LSG1: variants seen among roughly 807,000 people sequenced by gnomAD.
The protein encoded by LSG1 is large subunit GTPase 1 homolog.
LSG1 carries 55 observed loss-of-function variants against 82.6 expected under a neutral mutation model. The observed-to-expected ratio is 0.67, with a 90% CI of 0.54 to 0.83. The LOEUF (loss-of-function observed/expected upper bound fraction) is 0.83. Among genes scored for constraint, LSG1 ranks in the 40% least tolerant of loss-of-function variants. LSG1 has a pLI of 0.00. For synonymous variants in LSG1, 272 were observed against 282.5 expected (o/e 0.96, Z 0.37); for missense variants, 809 against 807.9 (o/e 1.00, Z -0.02).
intron 10 of LSG1, 91 bp from the exon 11 acceptor site, chr3:194,648,895 G>T: frequency 2.3e-6 from 3 of 1,295,736 alleles, no homozygotes; most frequent in Non-Finnish European, 1.1e-6. Flanking sequence ...ACTTCATTCC[G>T]CGTGTGACAA....
At chr3:194,650,625 G>A in intron 10 of LSG1, 1 of 357,046 alleles carries the variant, frequency 2.8e-6, no homozygotes, top group Non-Finnish European at 5.1e-6. Flanking sequence ...ACGGTTACAT[G>A]GCATTGTTAA....
chr3:194,660,168 G>A (rs1449909021), intron 5 of LSG1, 35 bp from the exon 6 acceptor site: 6 of 1,559,870 alleles, frequency 3.8e-6, no homozygotes, highest in Non-Finnish European at 5.3e-6. Context: ...CAATCACCGT[G>A]AAGTGAAAGG....
intron 11 of LSG1, among the ~76,000 whole-genome samples, chr3:194,646,651 C>T (rs1160311758): frequency 6.6e-6 from 1 of 152,114 alleles, no homozygotes; most frequent in Non-Finnish European, 1.5e-5. Context: ...CTCCCAAGTA[C>T]CTGGGATTAC....
At chr3:194,664,638 G>A (rs1675945) in intron 5 of LSG1, among the ~76,000 whole-genome samples, 98,022 of 151,932 alleles carry the variant, frequency 0.65, 32,375 homozygotes, top group East Asian at 0.87. Context: ...AAACCAGGCC[G>A]GGCATGGTGG....
chr3:194,658,837 GA>G lies in LSG1; in HGVS notation c.759+119del, dbSNP rs1381961964. On this transcript the variant is annotated intron_variant, in intron 7 of 13. Coordinates refer to ENST00000265245, the MANE Select transcript of LSG1 (RefSeq NM_018385.3). The stretch of plus-strand genomic sequence containing the variant: ...ATAGGTCATCCTAATCCAGCACACA[GA>G]GGAAAAACTCTAATTCCCACAGATT... 611 of 1,012,672 alleles carry G rather than the reference GA, an allele frequency of 6.0e-4. 3 individuals carry two copies. The highest frequency in any genetic ancestry group is 3.0e-3 in the South Asian group (187 of 62,030). 62.7% of individuals were successfully genotyped at this position (1,012,672 alleles called of 1,614,324 possible).
chr3:194,649,592 A>C (rs1718630026), intron 10 of LSG1, among the ~76,000 whole-genome samples: 1 of 151,614 alleles, frequency 6.6e-6, no homozygotes, highest in Non-Finnish European at 1.5e-5. Context: ...CGGGAGGCTG[A>C]GGCAGGAGAA....
Position 194,645,571 on chromosome 3 carries a change from G to GACACACAC in LSG1, c.1623+592_1623+593insGTGTGTGT, listed in dbSNP as rs1560219817. Among the ~76,000 whole-genome samples, 2 of 41,322 alleles carry GACACACAC rather than the reference G, an allele frequency of 4.8e-5. 1 individual carries two copies. The highest frequency in any genetic ancestry group is 3.9e-4 in the African/African-American group (2 of 5,148). 27.1% of individuals were successfully genotyped at this position (41,322 alleles called of 152,430 possible). A position where few individuals can be genotyped will look rare whatever the true frequency, so the allele number is the denominator to read the frequency against. ...ACACACACACACACACACACACACA[G>GACACACAC]ACAGACACACACACACACACACACA... is the stretch of plus-strand genomic sequence containing the variant. On this transcript the variant is annotated intron_variant, in intron 12 of 13. Transcript: ENST00000265245.
intron 7 of LSG1, among the ~76,000 whole-genome samples, chr3:194,657,005 G>T (rs1718803886): frequency 6.6e-6 from 1 of 151,924 alleles, no homozygotes. Context: ...TTGTGGGGTC[G>T]GGGGAGAGGG....
At chr3:194,647,601 T>C (rs1718579896) in intron 11 of LSG1, among the ~76,000 whole-genome samples, 1 of 152,258 alleles carries the variant, frequency 6.6e-6, no homozygotes, top group Admixed American at 6.5e-5. Context: ...TTCCTTACTC[T>C]GATTTTATCA....
At chr3:194,657,052 G>C (rs2108618843) in intron 7 of LSG1, among the ~76,000 whole-genome samples, 1 of 152,040 alleles carries the variant, frequency 6.6e-6, no homozygotes, top group East Asian at 1.9e-4. Flanking sequence ...AATGCTAAAT[G>C]ACAAGTTAAT....
chr3:194,665,041 C>T (rs1369968731), intron 5 of LSG1, among the ~76,000 whole-genome samples: 2 of 152,248 alleles, frequency 1.3e-5, no homozygotes, highest in African/African-American at 4.8e-5. Context: ...CTATCTGCAG[C>T]AAAGCAGGAA....
rs766859057 is a variant in LSG1 at position 194,666,487 on chromosome 3, A to G, written c.312T>C (p.His104=). Residue 104 remains histidine (H), a synonymous_variant, in exon 3 of 14, where the codon CAT becomes CAC. Transcript: ENST00000265245. ...FEESQRIKKL[H]EENKQFLCIP... is the part of the protein sequence containing the mutation. ...TACACAAGAACTGTTTGTTTTCTTC[A>G]TGGAGCTTCTTAATTCTCTGGCTCT... 6.8e-6 allele frequency: 11 copies of G among 1,614,114 alleles called. No individual in the cohort carries two copies. Among genetic ancestry groups the G allele is most frequent in the Non-Finnish European group, 8.5e-6 (10 of 1,179,998 alleles).
chr3:194,667,227 T>C (rs903966106), intron 2 of LSG1, among the ~76,000 whole-genome samples: 1 of 152,132 alleles, frequency 6.6e-6, no homozygotes, highest in Non-Finnish European at 1.5e-5. Flanking sequence ...ATTTTTGTAT[T>C]TTTAGTAGAG....
intron 10 of LSG1, 57 bp downstream of exon 10, chr3:194,650,824 A>G (rs779430957): frequency 9.1e-6 from 14 of 1,533,302 alleles, no homozygotes; most frequent in Non-Finnish European, 1.2e-5. Flanking sequence ...CCCAAAATAA[A>G]CCTGAAGCCC....
At chr3:194,653,242 T>C (rs1406137414) in intron 7 of LSG1, 100 bp from the exon 8 acceptor site, 4 of 1,273,062 alleles carry the variant, frequency 3.1e-6, no homozygotes, top group Non-Finnish European at 4.4e-6. Context: ...TGGCTGGGCG[T>C]GGTGGCTCAA....
At chr3:194,643,810 T>A (rs551479419) in intron 13 of LSG1, among the ~76,000 whole-genome samples, 1 of 152,104 alleles carries the variant, frequency 6.6e-6, no homozygotes, top group African/African-American at 2.4e-5. Flanking sequence ...GTCCCTCAAA[T>A]GATAAATAGA....
At chr3:194,645,007 A>G (rs550880466) in intron 12 of LSG1, 165 of 322,618 alleles carry the variant, frequency 5.1e-4, no homozygotes, top group Non-Finnish European at 8.3e-4. Flanking sequence ...ATTCCCACTC[A>G]AGTATTCTTC....
Position 194,651,155 on chromosome 3 carries a change from A to G in LSG1, c.1235T>C (p.Val412Ala). The G allele has an allele frequency of 6.2e-7, 1 of 1,614,246 alleles. No homozygotes were observed. The highest frequency in any genetic ancestry group is 1.1e-5 in the South Asian group (1 of 91,088). ...TINTIMGNKK[V>A]SVSATPGHTK... ...GTGACCAGGTGTGGCAGACACAGAT[A>G]CTTTCTTGTTGCCCATGATGGTGTT... The change falls in exon 9 of 14, where the codon GTA (valine) becomes GCA (alanine). Residue 412 changes from valine (V) to alanine (A), a missense_variant. Coordinates refer to ENST00000265245, the MANE Select transcript of LSG1 (RefSeq NM_018385.3).
chr3:194,651,569 G>A (rs1451435889), intron 8 of LSG1: 5 of 208,488 alleles, frequency 2.4e-5, no homozygotes, highest in Non-Finnish European at 3.9e-5. Flanking sequence ...GAGGCTGATC[G>A]GATGGACATT....
Sources: allele counts gnomAD v4.1 joint callset (sites outside exome capture counted in the v4.1 genomes callset), GRCh38; gene constraint gnomAD v4.1.1; transcripts MANE v1.5; gene names NCBI Gene and HGNC (gene_info 2026-07-23, HGNC 2026-07-21).